ST8SIA6: variants seen among roughly 807,000 people sequenced by gnomAD.
ST8SIA6 encodes the protein alpha-2,8-sialyltransferase 8F.
In ST8SIA6, 39 loss-of-function variants were observed where a neutral mutation model predicts 33.6. That is an observed-to-expected ratio of 1.16 (90% CI 0.90 to 1.52). The LOEUF is 1.52. ST8SIA6 is among the 40% of genes most tolerant of loss of function. The pLI is 0.00. For missense variants in ST8SIA6, 441 were observed against 443.8 expected (o/e 0.99, Z 0.06); for synonymous variants, 172 against 167.2 (o/e 1.03, Z -0.22).
In ST8SIA6 at chr10:17,407,769, A is replaced by C. The variant is rs191954033; in HGVS notation, c.201-17149T>G. On this transcript the variant is annotated intron_variant, in intron 2 of 7. Transcript: ENST00000377602. ...GTCTCACTTTGAGTAACAAGTTCTT[A>C]AAAGTCTCCTGGATCAAGTTCTTCT... 1.2e-4 allele frequency among the ~76,000 whole-genome samples: 19 copies of C among 152,302 alleles called. 1 individual carries two copies. The highest frequency in any genetic ancestry group is 1.2e-3 in the Admixed American group (19 of 15,292).
intron 2 of ST8SIA6, among the ~76,000 whole-genome samples, chr10:17,422,002 C>G (rs1406189644): frequency 6.6e-6 from 1 of 151,776 alleles, no homozygotes; most frequent in Admixed American, 6.6e-5. Context: ...TTATTATAGA[C>G]TATACTATAG....
chr10:17,354,342 T>C (rs1233813418), intron 4 of ST8SIA6, among the ~76,000 whole-genome samples: 1 of 152,182 alleles, frequency 6.6e-6, no homozygotes, highest in Non-Finnish European at 1.5e-5. Flanking sequence ...TGAAGAGCAA[T>C]AATTTCTTAG....
intron 2 of ST8SIA6, among the ~76,000 whole-genome samples, chr10:17,414,124 G>A (rs894304327): frequency 1.3e-5 from 2 of 151,434 alleles, no homozygotes; most frequent in South Asian, 2.1e-4. Context: ...TTCTTTTTCT[G>A]TTGTCCTTGA....
At chr10:17,357,135 T>TA (rs11389248) in intron 4 of ST8SIA6, among the ~76,000 whole-genome samples, 33,587 of 151,604 alleles carry the variant, frequency 0.22, 3,889 homozygotes, top group African/African-American at 0.28. Flanking sequence ...TTCAGTTCTT[T>TA]TTTTTTTTTC....
At chr10:17,445,150 C>T (rs1852659517) in intron 2 of ST8SIA6, among the ~76,000 whole-genome samples, 1 of 152,124 alleles carries the variant, frequency 6.6e-6, no homozygotes, top group African/African-American at 2.4e-5. Flanking sequence ...CTCTAGTTCA[C>T]ACTCATCTTG....
chr10:17,414,584 C>CAA (rs1454800246), intron 2 of ST8SIA6, among the ~76,000 whole-genome samples: 2 of 152,140 alleles, frequency 1.3e-5, no homozygotes, highest in East Asian at 3.9e-4. Flanking sequence ...TTTGAAGACT[C>CAA]AAAATGTTGG....
intron 4 of ST8SIA6, among the ~76,000 whole-genome samples, chr10:17,336,935 A>C (rs1848518027): frequency 6.6e-6 from 1 of 151,944 alleles, no homozygotes; most frequent in Non-Finnish European, 1.5e-5. Flanking sequence ...ACTCAGCCTA[A>C]ATGTGTTTTG....
intron 7 of ST8SIA6, among the ~76,000 whole-genome samples, chr10:17,322,210 A>G (rs530310718): frequency 6.8e-6 from 1 of 146,384 alleles, no homozygotes; most frequent in African/African-American, 2.6e-5. Context: ...AAGGAAAGAA[A>G]GAGAAAGAAA....
At chr10:17,370,812 C>A (rs1343113671) in intron 3 of ST8SIA6, among the ~76,000 whole-genome samples, 1 of 152,170 alleles carries the variant, frequency 6.6e-6, no homozygotes, top group Non-Finnish European at 1.5e-5. Context: ...AAGAAACTTG[C>A]AGGTCACTGG....
intron 2 of ST8SIA6, among the ~76,000 whole-genome samples, chr10:17,443,889 G>C (rs1852599008): frequency 2.0e-5 from 3 of 152,310 alleles, no homozygotes; most frequent in Admixed American, 6.5e-5. Context: ...CTGCAAATGA[G>C]AGATTACAGA....
intron 2 of ST8SIA6, among the ~76,000 whole-genome samples, chr10:17,437,650 C>CTTCA: frequency 7.2e-6 from 1 of 138,408 alleles, no homozygotes; most frequent in Non-Finnish European, 1.5e-5. Flanking sequence ...TCCTTCCTTC[C>CTTCA]TTCCTTCCTT....
At chr10:17,419,033 T>C (rs983436465) in intron 2 of ST8SIA6, among the ~76,000 whole-genome samples, 2 of 146,830 alleles carry the variant, frequency 1.4e-5, no homozygotes, top group Non-Finnish European at 3.0e-5. Context: ...TTAGTCATGC[T>C]CACCAATCTA....
chr10:17,392,008 T>C (rs1850634522), intron 2 of ST8SIA6, among the ~76,000 whole-genome samples: 1 of 152,234 alleles, frequency 6.6e-6, no homozygotes, highest in African/African-American at 2.4e-5. Context: ...TATGCAACTC[T>C]AACTTGCTGT....
At chr10:17,387,253 ATTT>A (rs34212118) in intron 3 of ST8SIA6, among the ~76,000 whole-genome samples, 5,678 of 145,452 alleles carry the variant, frequency 0.039, 135 homozygotes, top group African/African-American at 0.063. Flanking sequence ...GAAAACAATA[ATTT>A]TTTTTTTTTT....
intron 4 of ST8SIA6, among the ~76,000 whole-genome samples, chr10:17,353,688 C>A (rs530171744): frequency 6.6e-6 from 1 of 152,214 alleles, no homozygotes; most frequent in East Asian, 1.9e-4. Context: ...AGTAATCAGG[C>A]ACGAAATACC....
In ST8SIA6 at chr10:17,454,137, G is replaced by A; in HGVS notation, c.101+18C>T. The A allele has an allele frequency of 3.7e-6, 1 of 270,260 alleles. No individual in the cohort carries two copies. Among genetic ancestry groups the A allele is most frequent in the Non-Finnish European group, 6.9e-6 (1 of 145,690 alleles). The allele number at this position is 270,260 out of a possible 1,614,324, so 16.7% of individuals were successfully genotyped here. On this transcript the variant is annotated intron_variant, in intron 1 of 7. Coordinates refer to ENST00000377602, the MANE Select transcript of ST8SIA6 (RefSeq NM_001004470.3). This position sits in a 1 kb window ranked among gnomAD's most constrained non-coding sequence, Gnocchi z 4.1. ...GGGGCGCGCGGCGCGGGGCGCGGCC[G>A]GCGGGTGGGTGGGTTACCTGGCGCG...
At chr10:17,349,934 A>G (rs1435443680) in intron 4 of ST8SIA6, among the ~76,000 whole-genome samples, 2 of 127,852 alleles carry the variant, frequency 1.6e-5, no homozygotes, top group Non-Finnish European at 3.4e-5. Context: ...TAAATTAAAT[A>G]AACACACACA....
intron 3 of ST8SIA6, among the ~76,000 whole-genome samples, chr10:17,389,651 G>A (rs1310147884): frequency 6.6e-6 from 1 of 152,166 alleles, no homozygotes; most frequent in Non-Finnish European, 1.5e-5. Context: ...GAAGCTGAGG[G>A]AGTGTCACAG....
At chr10:17,338,280 G>A (rs545068010) in intron 4 of ST8SIA6, among the ~76,000 whole-genome samples, 38 of 152,246 alleles carry the variant, frequency 2.5e-4, no homozygotes, top group Non-Finnish European at 2.9e-4. Flanking sequence ...TGATCCGCTC[G>A]CCTCGGCCTC....
Sources: allele counts gnomAD v4.1 joint callset (sites outside exome capture counted in the v4.1 genomes callset), GRCh38; gene constraint gnomAD v4.1.1; non-coding constraint Gnocchi (gnomAD v3.1); transcripts MANE v1.5; gene names NCBI Gene and HGNC (gene_info 2026-07-23, HGNC 2026-07-21).